Variants in TSPAN1 observed in about 807,000 individuals in gnomAD.
TSPAN1 encodes tetraspanin 1, also known as tetraspanin-1.
A neutral mutation model predicts 26.9 loss-of-function variants in TSPAN1; 23 were observed. The ratio of observed to expected loss-of-function variants is 0.85; its 90% CI spans 0.62 to 1.21. The LOEUF is 1.21. Among genes scored for constraint, TSPAN1 ranks in the 50% most tolerant of loss-of-function variants. TSPAN1 has a pLI of 0.00. For missense variants in TSPAN1, 283 were observed against 298.4 expected (o/e 0.95, Z 0.38); for synonymous variants, 115 against 114.8 (o/e 1.00, Z -0.01).
chr1:46,176,845 A>G (rs1246046917), intron 1 of TSPAN1, among the ~76,000 whole-genome samples: 2 of 152,232 alleles, frequency 1.3e-5, no homozygotes, highest in African/African-American at 4.8e-5. Context: ...CTTTACAAGG[A>G]TATGCCATCA....
downstream of TSPAN1, chr1:46,189,675 T>G: frequency 1.9e-6 from 3 of 1,547,912 alleles, no homozygotes; most frequent in Admixed American, 5.9e-5. Flanking sequence ...CCACCTCAAT[T>G]TGTAAGAGAT....
At chr1:46,178,688 G>A (rs906534388) in intron 1 of TSPAN1, among the ~76,000 whole-genome samples, 1 of 152,142 alleles carries the variant, frequency 6.6e-6, no homozygotes, top group Non-Finnish European at 1.5e-5. Flanking sequence ...AGCCAGCCTT[G>A]TCTGCCTCTT....
chr1:46,176,039 AT>A (rs796881774), intron 1 of TSPAN1, among the ~76,000 whole-genome samples: 4 of 151,412 alleles, frequency 2.6e-5, no homozygotes, highest in Non-Finnish European at 4.4e-5. Context: ...CGCCCGGCTA[AT>A]TTTTTTTTGT....
At chr1:46,190,392 G>A (rs1432236055), downstream of TSPAN1, 2 of 1,498,214 alleles carry the variant, frequency 1.3e-6, no homozygotes, top group African/African-American at 1.4e-5. Context: ...ATTTTGCACA[G>A]GACCCTGTAA....
rs541910837 is a variant in TSPAN1 at position 46,178,316 on chromosome 1, C to T, written c.-141-2210C>T. On this transcript the variant is annotated intron_variant, in intron 1 of 8. Coordinates refer to ENST00000372003, the MANE Select transcript of TSPAN1 (RefSeq NM_005727.4). ...AGGTTGCAGTGAGCCAAGATTGCGCCACTGCATTCCAGCCTGGGCAACAGA... is the reference window on the plus strand; with the variant it reads ...AGGTTGCAGTGAGCCAAGATTGCGCTACTGCATTCCAGCCTGGGCAACAGA... Among the ~76,000 whole-genome samples the T allele has an allele frequency of 7.9e-5, 12 of 151,242 alleles. 1 individual carries two copies. The South Asian group carries it at 8.3e-4, about 11-fold the overall frequency.
chr1:46,190,579 C>T (rs116579447), downstream of TSPAN1: 1,181 of 1,539,512 alleles, frequency 7.7e-4, 10 homozygotes, highest in African/African-American at 0.013. Context: ...ATGGGTAGCA[C>T]TGAGCAGGGC....
chr1:46,178,823 C>T (rs1319565219), intron 1 of TSPAN1, among the ~76,000 whole-genome samples: 1 of 152,148 alleles, frequency 6.6e-6, no homozygotes, highest in African/African-American at 2.4e-5. Flanking sequence ...AGTACCTGAC[C>T]CTTTGGTGCT....
chr1:46,176,261 C>T, intron 1 of TSPAN1: 1 of 1,535,762 alleles, frequency 6.5e-7, no homozygotes. Flanking sequence ...ATGGTGGTGT[C>T]AGTGTGGGTG....
downstream of TSPAN1, among the ~76,000 whole-genome samples, chr1:46,188,416 C>T (rs965887194): frequency 2.0e-5 from 3 of 152,172 alleles, no homozygotes; most frequent in Admixed American, 6.5e-5. Flanking sequence ...AGCAGGAACC[C>T]GGCTGGTGGT....
At chr1:46,186,081 G>A (rs548435675), downstream of TSPAN1, 1 of 160,998 alleles carries the variant, frequency 6.2e-6, no homozygotes, top group East Asian at 1.9e-4. Flanking sequence ...GGGGTCAGAA[G>A]TGGTTATTTC....
the TSPAN1 span, chr1:46,191,575 C>T: frequency 4.6e-6 from 1 of 216,506 alleles, no homozygotes; most frequent in Non-Finnish European, 9.3e-6. Context: ...ATTCAAAGCA[C>T]TTTACATATA....
At chr1:46,192,025 A>T in the TSPAN1 span, 1 of 1,524,476 alleles carries the variant, frequency 6.6e-7, no homozygotes, top group Non-Finnish European at 9.0e-7. Context: ...CAGAGCTAAG[A>T]TTGCTTCAGA....
chr1:46,188,333 C>A (rs1293757030), downstream of TSPAN1, among the ~76,000 whole-genome samples: 1 of 152,206 alleles, frequency 6.6e-6, no homozygotes, highest in East Asian at 1.9e-4. Context: ...ATTTCCTCTT[C>A]CAACTCCCCA....
Position 46,185,673 on chromosome 1 carries a change from C to A in TSPAN1, c.*140C>A. On this transcript the variant is annotated 3_prime_UTR_variant, in exon 9 of 9. Transcript: ENST00000372003. ...ATGGACCTGCCCTTTCTGCTCCAGACTTGGGGCTAGATAGGGACCACTCCT... is the reference window on the plus strand; with the variant it reads ...ATGGACCTGCCCTTTCTGCTCCAGAATTGGGGCTAGATAGGGACCACTCCT... 1.0e-6 allele frequency: 1 copy of A among 968,782 alleles called. No individual in the cohort carries two copies. The highest frequency in any genetic ancestry group is 1.6e-6 in the Non-Finnish European group (1 of 631,350). 60.0% of individuals were successfully genotyped at this position (968,782 alleles called of 1,614,324 possible). A position where few individuals can be genotyped will look rare whatever the true frequency, so the allele number is the denominator to read the frequency against.
At chr1:46,176,602 T>C in intron 1 of TSPAN1, 1 of 1,100,590 alleles carries the variant, frequency 9.1e-7, no homozygotes. Flanking sequence ...CCCCTCCTCA[T>C]GGGTCAGGCT....
downstream of TSPAN1, among the ~76,000 whole-genome samples, chr1:46,187,977 G>A (rs1657474775): frequency 6.6e-6 from 1 of 152,128 alleles, no homozygotes. Flanking sequence ...TCATCCTCCT[G>A]ACATTAGGCC....
At chr1:46,176,095 T>C (rs1184533506) in intron 1 of TSPAN1, 10 of 961,312 alleles carry the variant, frequency 1.0e-5, no homozygotes, top group Non-Finnish European at 1.5e-5. Context: ...CAGGATGGTC[T>C]CGATCTCCTG....
At position 46,184,679 on chromosome 1, in the gene TSPAN1, G is replaced by A. The variant is rs773825718; in HGVS notation, c.339+11G>A. 5.6e-6 allele frequency: 9 copies of A among 1,614,174 alleles called. No homozygotes were observed. In the Admixed American group the frequency reaches 1.5e-4, roughly 27 times the overall value. On this transcript the variant is annotated intron_variant, in intron 5 of 8. Transcript: ENST00000372003. ...GTGTACACCACAATGGTGAGACACT[G>A]GGATGGAGGAAGGGAAGAAGATTGG...
intron 1 of TSPAN1, chr1:46,176,269 G>T (rs1376874285): frequency 6.5e-7 from 1 of 1,535,786 alleles, no homozygotes; most frequent in Non-Finnish European, 8.7e-7. Flanking sequence ...GTCAGTGTGG[G>T]TGTTGTTGAT....
Sources: gnomAD v4.1 joint callset for allele counts (sites outside exome capture counted in the v4.1 genomes callset) on GRCh38, gnomAD v4.1.1 for gene constraint, MANE v1.5 for transcripts, NCBI Gene and HGNC (gene_info 2026-07-23, HGNC 2026-07-21) for gene names.